THADA: variants seen among roughly 807,000 people sequenced by gnomAD.
The protein encoded by THADA is tRNA (32-2'-O)-methyltransferase regulator THADA.
A neutral mutation model predicts 219.8 loss-of-function variants in THADA; 213 were observed. The observed-to-expected ratio is 0.97, with a 90% CI of 0.87 to 1.09. THADA has a LOEUF of 1.09. Ranked by LOEUF, THADA falls within the 50% of genes least tolerant of loss-of-function variation. The pLI, the probability that THADA is intolerant of heterozygous loss-of-function variation, is 0.00. For missense variants in THADA, 2,956 were observed against 2,311.3 expected (o/e 1.28, Z -5.72); for synonymous variants, 1,018 against 828.9 (o/e 1.23, Z -3.92).
intron 7 of THADA, among the ~76,000 whole-genome samples, chr2:43,585,408 C>T (rs1158946042): frequency 1.3e-5 from 2 of 150,244 alleles, no homozygotes; most frequent in East Asian, 3.9e-4. Context: ...GTCCCAGCTA[C>T]TTGGGAGACT....
At chr2:43,439,093 G>A (rs1210147792) in intron 26 of THADA, among the ~76,000 whole-genome samples, 4 of 152,078 alleles carry the variant, frequency 2.6e-5, no homozygotes, top group African/African-American at 2.4e-5. Flanking sequence ...TTGAACCACT[G>A]GTGACCAGTA....
rs201735523 is a variant in THADA at position 43,489,874 on chromosome 2, C to CAAAAAAAAAAAAA, written c.3745-4562_3745-4550dup. Among the ~76,000 whole-genome samples, 110 of 56,058 alleles carry CAAAAAAAAAAAAA rather than the reference C, an allele frequency of 2.0e-3. 3 individuals are homozygous for CAAAAAAAAAAAAA. The highest frequency in any genetic ancestry group is 5.5e-3 in the African/African-American group (82 of 15,018). 36.8% of individuals were successfully genotyped at this position (56,058 alleles called of 152,430 possible). A position where few individuals can be genotyped will look rare whatever the true frequency, so the allele number is the denominator to read the frequency against. On this transcript the variant is annotated intron_variant, in intron 25 of 37. Transcript: ENST00000405975. Reference sequence around the variant, plus strand: ...ATTTCCATATGTATTTTAAGATCTGCAAAAAAAAAAAAAAAAAAAAGCTAG... The same window carrying CAAAAAAAAAAAAA: ...ATTTCCATATGTATTTTAAGATCTGCAAAAAAAAAAAAAAAAAAAAAAAAAAAAAAAAAGCTAG...
chr2:43,376,034 G>C (rs1671344616), intron 29 of THADA, among the ~76,000 whole-genome samples: 1 of 152,148 alleles, frequency 6.6e-6, no homozygotes, highest in Admixed American at 6.6e-5. Context: ...GAAACCCTCA[G>C]AGCCAATATT....
intron 26 of THADA, among the ~76,000 whole-genome samples, chr2:43,468,734 C>G (rs1213529945): frequency 1.3e-5 from 2 of 152,072 alleles, no homozygotes; most frequent in Non-Finnish European, 2.9e-5. Flanking sequence ...AATACCACCG[C>G]AAGAAAGAGA....
chr2:43,400,481 A>ATATATATATATATATC, intron 28 of THADA, among the ~76,000 whole-genome samples: 1 of 146,720 alleles, frequency 6.8e-6, no homozygotes, highest in African/African-American at 2.5e-5. Flanking sequence ...ATATATAAAT[A>ATATATATATATATATC]TATACACTAA....
At chr2:43,398,783 T>C (rs538497862) in intron 28 of THADA, among the ~76,000 whole-genome samples, 5 of 152,320 alleles carry the variant, frequency 3.3e-5, no homozygotes, top group South Asian at 4.1e-4. Flanking sequence ...TGAATAACAG[T>C]AGAAGTTAAG....
At chr2:43,418,417 A>G (rs1157324787) in intron 28 of THADA, among the ~76,000 whole-genome samples, 1 of 152,192 alleles carries the variant, frequency 6.6e-6, no homozygotes, top group Non-Finnish European at 1.5e-5. Context: ...CAGCGGGAGG[A>G]ACCTCTGTGC....
chr2:43,481,419 G>A (rs1686206175), intron 26 of THADA, among the ~76,000 whole-genome samples: 1 of 152,154 alleles, frequency 6.6e-6, no homozygotes, highest in African/African-American at 2.4e-5. Context: ...AATAGAGATT[G>A]TACTTAACAC....
chr2:43,476,224 C>A (rs1034761675), intron 26 of THADA, among the ~76,000 whole-genome samples: 2 of 151,906 alleles, frequency 1.3e-5, no homozygotes, highest in Non-Finnish European at 2.9e-5. Context: ...AACATGGGAA[C>A]ATAAACAGGA....
At position 43,493,079 on chromosome 2, in the gene THADA, G is replaced by C. The variant is rs1244869028; in HGVS notation, c.3744+5754C>G. 2.0e-5 allele frequency among the ~76,000 whole-genome samples: 3 copies of C among 152,204 alleles called. No homozygotes were observed. In the East Asian group the frequency reaches 5.8e-4, roughly 29 times the overall value. The stretch of plus-strand genomic sequence containing the variant: ...AGATGCTGGTGCCAACAGAGGCACA[G>C]AGTAGCCATGGCATGGCAGCACTAC... On this transcript the variant is annotated intron_variant, in intron 25 of 37. Transcript: ENST00000405975.
intron 26 of THADA, among the ~76,000 whole-genome samples, chr2:43,462,403 G>C (rs1683743330): frequency 6.6e-6 from 1 of 152,044 alleles, no homozygotes; most frequent in Non-Finnish European, 1.5e-5. Context: ...CTCTAAATCA[G>C]GCTCTCCTAA....
intron 26 of THADA, among the ~76,000 whole-genome samples, chr2:43,481,222 C>T (rs1386500691): frequency 1.3e-5 from 2 of 152,158 alleles, no homozygotes; most frequent in African/African-American, 4.8e-5. Flanking sequence ...AGAAAAATAA[C>T]TAAAATAATT....
intron 20 of THADA, among the ~76,000 whole-genome samples, chr2:43,548,174 A>T (rs1650052043): frequency 6.6e-6 from 1 of 152,194 alleles, no homozygotes; most frequent in Non-Finnish European, 1.5e-5. Flanking sequence ...TGGCTGCAGA[A>T]CAGCGGATTT....
At chr2:43,325,198 C>T (rs1234809598) in intron 30 of THADA, among the ~76,000 whole-genome samples, 1 of 152,150 alleles carries the variant, frequency 6.6e-6, no homozygotes, top group Non-Finnish European at 1.5e-5. Flanking sequence ...CCAGACACGT[C>T]CACAAAAGCC....
chr2:43,490,409 T>C (rs962029948), intron 25 of THADA, among the ~76,000 whole-genome samples: 4 of 152,200 alleles, frequency 2.6e-5, no homozygotes, highest in Non-Finnish European at 5.9e-5. Flanking sequence ...CTTGTCTTGT[T>C]CCTGATTTTA....
chr2:43,451,358 A>G (rs577701874), intron 26 of THADA, among the ~76,000 whole-genome samples: 2 of 152,246 alleles, frequency 1.3e-5, no homozygotes, highest in Admixed American at 6.5e-5. Flanking sequence ...TATTATCCCT[A>G]TCTTTCCAAC....
chr2:43,546,497 G>T (rs1188185270), intron 20 of THADA, among the ~76,000 whole-genome samples: 2 of 152,118 alleles, frequency 1.3e-5, no homozygotes, highest in African/African-American at 4.8e-5. Flanking sequence ...ATTATTGTGT[G>T]GGAGTCTAAG....
chr2:43,372,539 C>T (rs1280346485), intron 29 of THADA, among the ~76,000 whole-genome samples: 1 of 152,020 alleles, frequency 6.6e-6, no homozygotes, highest in Non-Finnish European at 1.5e-5. Context: ...AGTTTCTAAC[C>T]CCTCTGGGAA....
chr2:43,563,953 T>A (rs1390305645), intron 15 of THADA: 1 of 152,192 alleles, frequency 6.6e-6, no homozygotes, highest in Non-Finnish European at 1.5e-5. Context: ...CACTGCCCAA[T>A]TACATGCAAC....
Sources: gnomAD v4.1 joint callset for allele counts (sites outside exome capture counted in the v4.1 genomes callset) on GRCh38, gnomAD v4.1.1 for gene constraint, MANE v1.5 for transcripts, NCBI Gene and HGNC (gene_info 2026-07-23, HGNC 2026-07-21) for gene names.